The following KCNQ5 variants were observed in gnomAD, a reference collection of about 807,000 sequenced individuals.
KCNQ5 encodes the protein potassium voltage-gated channel subfamily KQT member 5.
Under a neutral mutation model 98.2 loss-of-function variants are expected in KCNQ5, and 30 were observed. That is an observed-to-expected ratio of 0.31 (90% CI 0.23 to 0.41). The LOEUF (loss-of-function observed/expected upper bound fraction) is 0.41, where lower values mean the gene tolerates loss of function less well. KCNQ5 is among the 10% of genes least tolerant of loss of function. KCNQ5 has a pLI of 1.00. For missense variants in KCNQ5, 835 were observed against 1,182.5 expected, an observed-to-expected ratio of 0.71 and a Z score of 4.31; for synonymous variants, 458 against 449.4, an observed-to-expected ratio of 1.02 and a Z score of -0.24.
At chr6:73,068,187 T>C (rs1360406635) in intron 3 of KCNQ5, among the ~76,000 whole-genome samples, 1 of 152,004 alleles carries the variant, frequency 6.6e-6, no homozygotes, top group African/African-American at 2.4e-5. Flanking sequence ...TCCCAGCTAC[T>C]GGGGAGGCTG....
intron 1 of KCNQ5, among the ~76,000 whole-genome samples, chr6:72,794,701 G>A (rs1366701016): frequency 1.3e-5 from 2 of 152,164 alleles, no homozygotes; most frequent in Non-Finnish European, 2.9e-5. Flanking sequence ...AGGGGTGTAT[G>A]TCTGTTCATC....
chr6:72,762,044 TA>T (rs1241131243), intron 1 of KCNQ5, among the ~76,000 whole-genome samples: 1 of 152,050 alleles, frequency 6.6e-6, no homozygotes, highest in Non-Finnish European at 1.5e-5. Flanking sequence ...AGAGCTGGGT[TA>T]GGGGTATATC....
chr6:73,062,202 T>C (rs1053310144), intron 3 of KCNQ5, among the ~76,000 whole-genome samples: 4 of 152,216 alleles, frequency 2.6e-5, no homozygotes, highest in African/African-American at 9.6e-5. Flanking sequence ...TGGCTTCATC[T>C]ATGTTTCTCC....
chr6:73,185,572 G>T (rs964318615), intron 11 of KCNQ5, among the ~76,000 whole-genome samples: 4 of 152,054 alleles, frequency 2.6e-5, no homozygotes, highest in African/African-American at 9.7e-5. Context: ...GTATATAATT[G>T]ATTGGCTAGG....
At chr6:73,185,336 C>T (rs1488672651) in intron 11 of KCNQ5, among the ~76,000 whole-genome samples, 3 of 152,088 alleles carry the variant, frequency 2.0e-5, no homozygotes, top group East Asian at 1.9e-4. Flanking sequence ...CATGTGCCAT[C>T]ATGCATGGTT....
At chr6:72,807,684 A>G (rs75616089) in intron 1 of KCNQ5, among the ~76,000 whole-genome samples, 7 of 151,932 alleles carry the variant, frequency 4.6e-5, no homozygotes, top group Middle Eastern at 3.2e-3. Flanking sequence ...AATTTTTTTT[A>G]AAAATATTTT....
chr6:72,943,424 A>T (rs1484365739), intron 1 of KCNQ5, among the ~76,000 whole-genome samples: 1 of 152,208 alleles, frequency 6.6e-6, no homozygotes, highest in Non-Finnish European at 1.5e-5. Flanking sequence ...TCTCTAGTGC[A>T]TTGGCTCTTA....
rs117769934 is a variant in KCNQ5 at position 72,709,720 on chromosome 6, T to C, written c.398+87133T>C. ...TTAAGTGCCAAGTCACTGGTGAGCA[T>C]AACAGACATTCTTCCTGTACTACAG... On this transcript the variant is annotated intron_variant, in intron 1 of 13. Coordinates refer to ENST00000370398, the MANE Select transcript of KCNQ5 (RefSeq NM_019842.4). Among the ~76,000 whole-genome samples the C allele has an allele frequency of 5.0e-3, 764 of 152,298 alleles. 6 individuals are homozygous for C. Among genetic ancestry groups the C allele is most frequent in the Non-Finnish European group, 7.5e-3 (512 of 68,014 alleles).
chr6:72,932,656 C>T (rs1185777052), intron 1 of KCNQ5, among the ~76,000 whole-genome samples: 1 of 151,996 alleles, frequency 6.6e-6, no homozygotes, highest in Non-Finnish European at 1.5e-5. Context: ...TCATGTAGAT[C>T]CTCCTGATTA....
intron 1 of KCNQ5, among the ~76,000 whole-genome samples, chr6:72,755,959 CCT>C (rs1000199338): frequency 1.3e-5 from 2 of 152,124 alleles, no homozygotes; most frequent in Non-Finnish European, 2.9e-5. Flanking sequence ...ACAGCAGGGA[CCT>C]CTCTCTCGTT....
At chr6:72,832,368 C>G (rs1055631518) in intron 1 of KCNQ5, among the ~76,000 whole-genome samples, 1 of 151,954 alleles carries the variant, frequency 6.6e-6, no homozygotes, top group Non-Finnish European at 1.5e-5. Context: ...CTCTGTATAC[C>G]CTCAGTAGTT....
At chr6:72,966,356 C>T (rs1021010725) in intron 1 of KCNQ5, among the ~76,000 whole-genome samples, 11 of 150,702 alleles carry the variant, frequency 7.3e-5, no homozygotes, top group African/African-American at 2.2e-4. Flanking sequence ...GTTAGGAGTT[C>T]GAAACTAGCC....
At chr6:73,015,521 T>G (rs895251109) in intron 2 of KCNQ5, among the ~76,000 whole-genome samples, 1 of 152,116 alleles carries the variant, frequency 6.6e-6, no homozygotes, top group Non-Finnish European at 1.5e-5. Flanking sequence ...GGAAAGAATT[T>G]TCCATATTTT....
chr6:73,059,465 G>A (rs1175004336), intron 3 of KCNQ5, among the ~76,000 whole-genome samples: 2 of 152,094 alleles, frequency 1.3e-5, no homozygotes, highest in Non-Finnish European at 2.9e-5. Context: ...CAGGTACTAT[G>A]CTTTTTACCT....
chr6:72,775,198 C>A (rs1421559821), intron 1 of KCNQ5, among the ~76,000 whole-genome samples: 3 of 152,166 alleles, frequency 2.0e-5, no homozygotes, highest in African/African-American at 7.2e-5. Flanking sequence ...TCATACTACA[C>A]AGCAATAAGA....
chr6:73,046,160 G>A (rs77377055), intron 3 of KCNQ5, among the ~76,000 whole-genome samples: 4,000 of 152,116 alleles, frequency 0.026, 90 homozygotes, highest in East Asian at 0.1. Flanking sequence ...CTGCCACTGT[G>A]TTCTAAATTG....
chr6:72,844,636 C>A (rs1776942979), intron 1 of KCNQ5, among the ~76,000 whole-genome samples: 1 of 152,124 alleles, frequency 6.6e-6, no homozygotes, highest in Non-Finnish European at 1.5e-5. Flanking sequence ...TCAAGTATTG[C>A]ATAAAAGCAA....
intron 1 of KCNQ5, among the ~76,000 whole-genome samples, chr6:72,815,722 G>A (rs1316658747): frequency 6.6e-6 from 1 of 152,186 alleles, no homozygotes; most frequent in Non-Finnish European, 1.5e-5. Context: ...ATTGGGCAGT[G>A]AGTTTAGAAA....
At chr6:72,672,585 C>T (rs1460011629) in intron 1 of KCNQ5, among the ~76,000 whole-genome samples, 1 of 152,078 alleles carries the variant, frequency 6.6e-6, no homozygotes, top group Non-Finnish European at 1.5e-5. Flanking sequence ...GTCTTTGGCA[C>T]TTTCTGGCTA....
Sources: gnomAD v4.1 joint callset for allele counts (sites outside exome capture counted in the v4.1 genomes callset) on GRCh38, gnomAD v4.1.1 for gene constraint, MANE v1.5 for transcripts, NCBI Gene and HGNC (gene_info 2026-07-23, HGNC 2026-07-21) for gene names.